The following SLC6A4 variants were observed in gnomAD, a reference collection of about 807,000 sequenced individuals.
SLC6A4 encodes the protein solute carrier family 6 member 4.
Under a neutral mutation model 73.4 loss-of-function variants are expected in SLC6A4, and 22 were observed. The observed-to-expected ratio is 0.30, with a 90% CI of 0.21 to 0.43. The LOEUF (loss-of-function observed/expected upper bound fraction) is 0.43. Among genes scored for constraint, SLC6A4 ranks in the 20% least tolerant of loss-of-function variants. The probability of loss-of-function intolerance (pLI) is 1.00; values close to 1 mark genes in which losing one functional copy is unlikely to be tolerated. For synonymous variants in SLC6A4, 270 were observed against 315.5 expected, an observed-to-expected ratio of 0.86 and a Z score of 1.53; for missense variants, 593 against 808.5, an observed-to-expected ratio of 0.73 and a Z score of 3.23.
At chr17:30,205,564 C>T (rs887134106) in intron 13 of SLC6A4, among the ~76,000 whole-genome samples, 6 of 152,158 alleles carry the variant, frequency 3.9e-5, no homozygotes, top group South Asian at 2.1e-4. Flanking sequence ...TAAAAACACA[C>T]GCATTTTAAA....
rs777035735 is a variant in SLC6A4, at chr17:30,210,549, G to A, written c.1415C>T (p.Thr472Ile). ...GGTGACCAGGGATCCAAAGAAGCAGGTGATGACCACGGCGAGCACGAACCG... is the reference window on the plus strand; with the variant it reads ...GGTGACCAGGGATCCAAAGAAGCAGATGATGACCACGGCGAGCACGAACCG... ...RERFVLAVVI[T>I]CFFGSLVTLT... is the part of the protein sequence containing the mutation. Residue 472 changes from threonine to isoleucine, a missense_variant, in exon 11 of 15, where the codon ACC becomes ATC. Physicochemically the swap from Thr to Ile is moderately conservative, Grantham distance 89. Coordinates refer to ENST00000650711, the MANE Select transcript of SLC6A4 (RefSeq NM_001045.6). 1.9e-6 allele frequency: 3 copies of A among 1,613,878 alleles called. No homozygotes were observed. Among genetic ancestry groups the A allele is most frequent in the Non-Finnish European group, 2.5e-6 (3 of 1,179,912 alleles).
chr17:30,208,860 T>TTC (rs1394692450), intron 12 of SLC6A4, among the ~76,000 whole-genome samples: 1 of 146,676 alleles, frequency 6.8e-6, no homozygotes, highest in East Asian at 2.0e-4. Flanking sequence ...CCCGGCTAAT[T>TTC]TTTTTTTTTT....
In SLC6A4 at chr17:30,215,023, TTTTC is replaced by T. The variant is rs779810850; in HGVS notation, c.1076+584_1076+587del. ...TCCTTTCTTTCTTTCTTTCTTTCTTTTTTCTTTCTTTCTTTCTTTCTTTATTTCT... is the reference window on the plus strand; with the variant it reads ...TCCTTTCTTTCTTTCTTTCTTTCTTTTTTCTTTCTTTCTTTCTTTATTTCT... On this transcript the variant is annotated intron_variant, in intron 8 of 14. Transcript: ENST00000650711. Among the ~76,000 whole-genome samples, 8 of 29,444 alleles carry T rather than the reference TTTTC, an allele frequency of 2.7e-4. No individual in the cohort carries two copies. In the East Asian group the frequency reaches 5.6e-3, roughly 21 times the overall value. 19.3% of individuals were successfully genotyped at this position (29,444 alleles called of 152,430 possible). A position where few individuals can be genotyped will look rare whatever the true frequency, so the allele number is the denominator to read the frequency against.
rs994199426 is a variant in SLC6A4 at position 30,203,528 on chromosome 17, A to C, written c.1651-189T>G. 10 of 581,884 alleles carry C rather than the reference A, an allele frequency of 1.7e-5. No homozygotes were observed. The African/African-American group carries it at 1.9e-4, about 11-fold the overall frequency. 36.0% of individuals were successfully genotyped at this position (581,884 alleles called of 1,614,324 possible). ...TTCTGTACCCAAGCTGCAAGACTAC[A>C]CCAGCCAGGTGCTTTCCCTGATTTT... is the stretch of plus-strand genomic sequence containing the variant. On this transcript the variant is annotated intron_variant, in intron 13 of 14. Coordinates refer to ENST00000650711, the MANE Select transcript of SLC6A4 (RefSeq NM_001045.6).
chr17:30,199,317 A>G (rs1421609770), intron 14 of SLC6A4, among the ~76,000 whole-genome samples: 3 of 143,318 alleles, frequency 2.1e-5, no homozygotes, highest in Admixed American at 1.4e-4. Flanking sequence ...TATAGAGGAG[A>G]AAAAAAAAAA....
At chr17:30,214,655 T>TTAC (rs1906498252) in intron 8 of SLC6A4, among the ~76,000 whole-genome samples, 8 of 141,000 alleles carry the variant, frequency 5.7e-5, no homozygotes, top group Non-Finnish European at 1.1e-4. Context: ...TTTTTTTTGA[T>TTAC]GGAATCTCAC....
Position 30,209,159 on chromosome 17 carries a change from A to G in SLC6A4, c.1533T>C (p.Ala511=), listed in dbSNP as rs762797854. 13 of 1,613,054 alleles carry G rather than the reference A, an allele frequency of 8.1e-6. No individual in the cohort carries two copies. The East Asian group carries it at 2.7e-4, about 33-fold the overall frequency. The part of the protein sequence containing the change: ...VLTVALIEAV[A]VSWFYGITQF... Reference sequence around the variant, plus strand: ...GCGTCTTACCATAGAACCAAGACACAGCGACTGCTTCGATCAGCGCGACAG... The same window carrying G: ...GCGTCTTACCATAGAACCAAGACACGGCGACTGCTTCGATCAGCGCGACAG... The change falls in exon 12 of 15, where the codon GCT becomes GCC. Residue 511 remains alanine (A), a synonymous_variant. Coordinates refer to ENST00000650711, the MANE Select transcript of SLC6A4 (RefSeq NM_001045.6).
In SLC6A4 at chr17:30,194,763, G is replaced by A. The variant is rs904851210; in HGVS notation, c.*3693C>T. 1.3e-5 allele frequency: 2 copies of A among 152,132 alleles called. No individual in the cohort carries two copies. The highest frequency in any genetic ancestry group is 6.6e-5 in the Admixed American group (1 of 15,266). 9.4% of individuals were successfully genotyped at this position (152,132 alleles called of 1,614,324 possible). Reference sequence around the variant, plus strand: ...CTCACCAAATATTTTTGTTTGGACTGTCAGTGTTTAAAAATTGCTAGACAC... The same window carrying A: ...CTCACCAAATATTTTTGTTTGGACTATCAGTGTTTAAAAATTGCTAGACAC... On this transcript the variant is annotated 3_prime_UTR_variant, in exon 15 of 15. Coordinates refer to ENST00000650711, the MANE Select transcript of SLC6A4 (RefSeq NM_001045.6).
At chr17:30,229,957 T>C (rs1907034401) in intron 1 of SLC6A4, among the ~76,000 whole-genome samples, 1 of 151,176 alleles carries the variant, frequency 6.6e-6, no homozygotes, top group Non-Finnish European at 1.5e-5. Context: ...AGGCAGAGGT[T>C]GTGGTGAGCT....
intron 5 of SLC6A4, among the ~76,000 whole-genome samples, 164 bp from the exon 6 acceptor site, chr17:30,217,468 T>G (rs1016465801): frequency 1.3e-5 from 2 of 152,226 alleles, no homozygotes; most frequent in African/African-American, 4.8e-5. Context: ...CTGCCTGTCC[T>G]GAAGGACCAC....
At chr17:30,212,966 C>T in intron 8 of SLC6A4, 99 bp from the exon 9 acceptor site, 7 of 1,315,708 alleles carry the variant, frequency 5.3e-6, no homozygotes, top group Non-Finnish European at 7.4e-6. Context: ...ACAGGGCGGC[C>T]ACAGCAAGGA....
rs1435297805 is a variant in SLC6A4 at position 30,218,898 on chromosome 17, A to C, written c.377T>G (p.Ile126Ser). The change falls in exon 4 of 15, where the codon ATT (isoleucine) becomes AGT (serine). Residue 126 changes from isoleucine to serine, a missense_variant. Transcript: ENST00000650711. The stretch of plus-strand genomic sequence containing the variant: ...GTAAAAGAGCGGGATTCCCCCAAAA[A>C]TGGCCATGATGGTGTAGGGGAGGAG... Reference protein sequence around the residue: ...AFLLPYTIMAIFGGIPLFYME... With the variant: ...AFLLPYTIMASFGGIPLFYME... The C allele has an allele frequency of 6.2e-7, 1 of 1,613,866 alleles. No homozygotes were observed. The highest frequency in any genetic ancestry group is 8.5e-7 in the Non-Finnish European group (1 of 1,179,974).
At chr17:30,214,012 G>C (rs1197802217) in intron 8 of SLC6A4, among the ~76,000 whole-genome samples, 1 of 152,116 alleles carries the variant, frequency 6.6e-6, no homozygotes, top group Admixed American at 6.5e-5. Flanking sequence ...CTCCCAAAGG[G>C]CTAAGATTAC....
intron 5 of SLC6A4, 70 bp downstream of exon 5, chr17:30,218,048 T>C: frequency 7.6e-7 from 1 of 1,310,974 alleles, no homozygotes; most frequent in Non-Finnish European, 1.1e-6. Flanking sequence ...CTGGCCTTCT[T>C]TTTAAGAAGC....
At chr17:30,232,205 C>T (rs1296443191) in intron 1 of SLC6A4, among the ~76,000 whole-genome samples, 1 of 152,234 alleles carries the variant, frequency 6.6e-6, no homozygotes, top group Non-Finnish European at 1.5e-5. Context: ...ACGTACTTGC[C>T]CCCTCCTGCT....
chr17:30,209,553 G>A (rs1374695513), intron 11 of SLC6A4, among the ~76,000 whole-genome samples: 10 of 151,822 alleles, frequency 6.6e-5, no homozygotes, highest in Non-Finnish European at 7.4e-5. Flanking sequence ...AGGCTGAGGC[G>A]GGAGAATTGC....
intron 12 of SLC6A4, among the ~76,000 whole-genome samples, chr17:30,208,759 T>C (rs1278243478): frequency 6.6e-6 from 1 of 152,238 alleles, no homozygotes; most frequent in African/African-American, 2.4e-5. Context: ...TGGCGCGATC[T>C]TGGCTCACTG....
chr17:30,227,257 G>C (rs1169890488), intron 1 of SLC6A4, among the ~76,000 whole-genome samples: 1 of 152,190 alleles, frequency 6.6e-6, no homozygotes, highest in Non-Finnish European at 1.5e-5. Context: ...AGGGTCATGG[G>C]GGCACAGGTC....
chr17:30,204,237 T>C (rs2143013491), intron 13 of SLC6A4: 1 of 152,366 alleles, frequency 6.6e-6, no homozygotes, highest in Non-Finnish European at 1.5e-5. Context: ...TTTTATTATT[T>C]CACAGTCATA....
Sources: allele counts gnomAD v4.1 joint callset (sites outside exome capture counted in the v4.1 genomes callset), GRCh38; gene constraint gnomAD v4.1.1; transcripts MANE v1.5; gene names NCBI Gene and HGNC (gene_info 2026-07-23, HGNC 2026-07-21).